ROM1: variants seen among roughly 807,000 people sequenced by gnomAD.
ROM1 encodes the protein retinal outer segment membrane protein 1.
Under a neutral mutation model 23.0 loss-of-function variants are expected in ROM1, and 17 were observed. The ratio of observed to expected loss-of-function variants is 0.74; its 90% CI spans 0.51 to 1.11. The LOEUF (loss-of-function observed/expected upper bound fraction) is 1.11, where lower values mean the gene tolerates loss of function less well. Ranked by LOEUF, ROM1 falls within the 50% of genes least tolerant of loss-of-function variation. The pLI is 0.00. For missense variants in ROM1, 436 were observed against 439.7 expected (o/e 0.99, Z 0.08); for synonymous variants, 200 against 206.5 (o/e 0.97, Z 0.27).
rs769973579 is a variant in ROM1 at position 62,613,626 on chromosome 11, G to A, written c.345G>A (p.Leu115=). ...GCACGGCTGGTGGGGGGGGGCTCCT[G>A]GTCGTCGGCCTCGGGCTAGCCCTGG... ...VAGTAGGGGL[L]VVGLGLALAL... is the part of the protein sequence containing the mutation. The change falls in exon 1 of 3, where the codon CTG becomes CTA. Residue 115 remains leucine, a synonymous_variant. Coordinates refer to ENST00000278833, the MANE Select transcript of ROM1 (RefSeq NM_000327.4). 6.2e-7 allele frequency: 1 copy of A among 1,613,154 alleles called. No homozygotes were observed. The highest frequency in any genetic ancestry group is 8.5e-7 in the Non-Finnish European group (1 of 1,179,626).
chr11:62,613,623 C>G lies in ROM1; in HGVS notation c.342C>G (p.Leu114=). The G allele has an allele frequency of 6.2e-7, 1 of 1,612,962 alleles. No homozygotes were observed. Among genetic ancestry groups the G allele is most frequent in the South Asian group, 1.1e-5 (1 of 91,034 alleles). ...LVAGTAGGGG[L]LVVGLGLALA... ...CTGGCACGGCTGGTGGGGGGGGGCTCCTGGTCGTCGGCCTCGGGCTAGCCC... is the reference window on the plus strand; with the variant it reads ...CTGGCACGGCTGGTGGGGGGGGGCTGCTGGTCGTCGGCCTCGGGCTAGCCC... The change falls in exon 1 of 3, where the codon CTC becomes CTG. Residue 114 remains leucine, a synonymous_variant. Coordinates refer to ENST00000278833, the MANE Select transcript of ROM1 (RefSeq NM_000327.4).
In ROM1 at chr11:62,614,913, C is replaced by T. The variant is rs1942992901; in HGVS notation, c.*74C>T. ...AACCTCACAACTCCTTACCAAGGCT[C>T]CAGGTTGGGGGGATCGTAGGATTAG... On this transcript the variant is annotated 3_prime_UTR_variant, in exon 3 of 3. Transcript: ENST00000278833. 7.7e-7 allele frequency: 1 copy of T among 1,291,738 alleles called. No homozygotes were observed. Among genetic ancestry groups the T allele is most frequent in the Admixed American group, 1.8e-5 (1 of 54,970 alleles). The allele number at this position is 1,291,738 out of a possible 1,614,324, so 80.0% of individuals were successfully genotyped here.
In ROM1 at chr11:62,613,601, G is replaced by C. The variant is rs1328860135; in HGVS notation, c.320G>C (p.Gly107Ala). 1 of 1,612,370 alleles carries C rather than the reference G, an allele frequency of 6.2e-7. No individual in the cohort carries two copies. The highest frequency in any genetic ancestry group is 2.2e-5 in the East Asian group (1 of 44,876). The change falls in exon 1 of 3, where the codon GGC becomes GCC. Residue 107 changes from glycine (G) to alanine (A), a missense_variant. Coordinates refer to ENST00000278833, the MANE Select transcript of ROM1 (RefSeq NM_000327.4). ...GTCCTGGGCCCGCTGCTGGTGGCTG[G>C]CACGGCTGGTGGGGGGGGGCTCCTG... ...RGVLGPLLVA[G>A]TAGGGGLLVV...
At position 62,613,367 on chromosome 11, in the gene ROM1, C is replaced by A; in HGVS notation, c.86C>A (p.Ala29Glu). ...CTCTGGCTCCTCTCCTGGCTGCTGG[C>A]GCTGGCTGGTGGCGTCATCCTCCTC... ...QGLWLLSWLL[A>E]LAGGVILLCS... The change falls in exon 1 of 3, where the codon GCG (alanine) becomes GAG (glutamate). Residue 29 changes from alanine (A) to glutamate (E), a missense_variant. By Grantham distance (107) the Ala-to-Glu change is moderately radical. Coordinates refer to ENST00000278833, the MANE Select transcript of ROM1 (RefSeq NM_000327.4). 3.1e-6 allele frequency: 5 copies of A among 1,613,546 alleles called. No individual in the cohort carries two copies. The highest frequency in any genetic ancestry group is 4.2e-6 in the Non-Finnish European group (5 of 1,179,792).
chr11:62,614,931 A>G lies in ROM1; in HGVS notation c.*92A>G, dbSNP rs1005326614. 9.3e-7 allele frequency: 1 copy of G among 1,076,332 alleles called. No individual in the cohort carries two copies. 66.7% of individuals were successfully genotyped at this position (1,076,332 alleles called of 1,614,324 possible). ...CAAGGCTCCAGGTTGGGGGGATCGT[A>G]GGATTAGAGGGGCTAAGGATAGTCA... On this transcript the variant is annotated 3_prime_UTR_variant, in exon 3 of 3. Coordinates refer to ENST00000278833, the MANE Select transcript of ROM1 (RefSeq NM_000327.4).
intron 1 of ROM1, 21 bp from the exon 2 acceptor site, chr11:62,614,237 C>T: frequency 6.2e-7 from 1 of 1,614,022 alleles, no homozygotes; most frequent in Non-Finnish European, 8.5e-7. Flanking sequence ...CATCCTAACC[C>T]CTCTGTCCCT....
At chr11:62,614,567 G>C in intron 2 of ROM1, 54 bp from the exon 3 acceptor site, 2 of 1,614,086 alleles carry the variant, frequency 1.2e-6, no homozygotes, top group South Asian at 2.2e-5. Flanking sequence ...TCCAACCCTG[G>C]GCCTCTTGGA....
In ROM1 at chr11:62,614,642, C is replaced by T. The variant is rs768652143; in HGVS notation, c.859C>T (p.Arg287Trp). 39 of 1,614,036 alleles carry T rather than the reference C, an allele frequency of 2.4e-5. No individual in the cohort carries two copies. Among genetic ancestry groups the T allele is most frequent in the Middle Eastern group, 1.6e-4 (1 of 6,084 alleles). Residue 287 changes from arginine (R) to tryptophan (W), a missense_variant, in exon 3 of 3, where the codon CGG becomes TGG. Coordinates refer to ENST00000278833, the MANE Select transcript of ROM1 (RefSeq NM_000327.4). ...ACAGGCTCTGGTGCTCCTTGGCCTG[C>T]GGTACCTGCAAACAGCACTGGAGGG... ...LLQALVLLGL[R>W]YLQTALEGLG...
In ROM1 at chr11:62,613,537, G is replaced by T. The variant is rs139112694; in HGVS notation, c.256G>T (p.Ala86Ser). The T allele has an allele frequency of 6.2e-7, 1 of 1,613,750 alleles. No individual in the cohort carries two copies. Among genetic ancestry groups the T allele is most frequent in the African/African-American group, 1.3e-5 (1 of 74,930 alleles). The change falls in exon 1 of 3, where the codon GCA becomes TCA. Residue 86 changes from alanine (A) to serine (S), a missense_variant. Coordinates refer to ENST00000278833, the MANE Select transcript of ROM1 (RefSeq NM_000327.4). ...TGLVGVGASR[A>S]SLNAALYPPW... ...ACTAGTGGGTGTAGGAGCCAGCCGGGCAAGTCTGAATGCAGCTCTATACCC... is the reference window on the plus strand; with the variant it reads ...ACTAGTGGGTGTAGGAGCCAGCCGGTCAAGTCTGAATGCAGCTCTATACCC...
rs769306477 is a variant in ROM1, at chr11:62,613,788, C to T, written c.507C>T (p.Cys169=). 17 of 1,614,048 alleles carry T rather than the reference C, an allele frequency of 1.1e-5. No homozygotes were observed. Among genetic ancestry groups the T allele is most frequent in the South Asian group, 2.2e-5 (2 of 91,092 alleles). The part of the protein sequence containing the change: ...VDELQLRYHC[C]GRHGYKDWFG... ...AGCTGCAACTGAGGTACCACTGCTGCGGGCGCCACGGGTACAAGGATTGGT... is the reference window on the plus strand; with the variant it reads ...AGCTGCAACTGAGGTACCACTGCTGTGGGCGCCACGGGTACAAGGATTGGT... The change falls in exon 1 of 3, where the codon TGC becomes TGT. Residue 169 remains cysteine (C), a synonymous_variant. Coordinates refer to ENST00000278833, the MANE Select transcript of ROM1 (RefSeq NM_000327.4).
At position 62,613,873 on chromosome 11, in the gene ROM1, T is replaced by C. The variant is rs1254796695; in HGVS notation, c.590+2T>C. ...TCCCGGTGACCGGGATGTGGCTGAG[T>C]GAGTGATTTGCGTCTCCCTTCCTCC... is the stretch of plus-strand genomic sequence containing the variant. On this transcript the variant is annotated splice_donor_variant, in intron 1 of 2. Transcript: ENST00000278833. LOFTEE classifies it high-confidence loss of function. 1.2e-6 allele frequency: 2 copies of C among 1,613,544 alleles called. No homozygotes were observed. Among genetic ancestry groups the C allele is most frequent in the Admixed American group, 1.7e-5 (1 of 60,002 alleles).
At position 62,614,353 on chromosome 11, in the gene ROM1, G is replaced by A. The variant is rs150168119; in HGVS notation, c.686G>A (p.Arg229His). Residue 229 changes from arginine (R) to histidine (H), a missense_variant, in exon 2 of 3, where the codon CGT becomes CAT. Coordinates refer to ENST00000278833, the MANE Select transcript of ROM1 (RefSeq NM_000327.4). ...PHSPRPCLQN[R>H]LSDSYAHPLF... ...TCACCCCGGCCTTGCCTGCAAAACC[G>A]TCTTTCAGACTCCTACGCCCACCCC... 4,495 of 1,614,002 alleles carry A rather than the reference G, an allele frequency of 2.8e-3. 29 individuals are homozygous for A. The highest frequency in any genetic ancestry group is 3.0e-3 in the Non-Finnish European group (3,506 of 1,179,974).
rs778986545 is a variant in ROM1, at chr11:62,613,734, G to A, written c.453G>A (p.Gly151=). The part of the protein sequence containing the change: ...LAHYKDTEVP[G]HCQAKRLVDE... Reference sequence around the variant, plus strand: ...ACTACAAGGACACAGAGGTGCCTGGGCACTGTCAGGCCAAAAGGCTGGTGG... The same window carrying A: ...ACTACAAGGACACAGAGGTGCCTGGACACTGTCAGGCCAAAAGGCTGGTGG... Residue 151 remains glycine, a synonymous_variant, in exon 1 of 3, where the codon GGG becomes GGA. Coordinates refer to ENST00000278833, the MANE Select transcript of ROM1 (RefSeq NM_000327.4). 3.7e-6 allele frequency: 6 copies of A among 1,614,218 alleles called. No individual in the cohort carries two copies.
Position 62,613,442 on chromosome 11 carries a change from C to T in ROM1, c.161C>T (p.Ala54Val), listed in dbSNP as rs1942939046. 6 of 1,613,022 alleles carry T rather than the reference C, an allele frequency of 3.7e-6. No homozygotes were observed. The highest frequency in any genetic ancestry group is 5.1e-6 in the Non-Finnish European group (6 of 1,179,568). Residue 54 changes from alanine to valine, a missense_variant, in exon 1 of 3, where the codon GCT becomes GTT. Physicochemically the swap from Ala to Val is moderately conservative, Grantham distance 64. Coordinates refer to ENST00000278833, the MANE Select transcript of ROM1 (RefSeq NM_000327.4). ...CTAAGGCACCTTGGCACCTTCCTGG[C>T]TCCCTCCTGTCAGTTCCCTGTCCTG... ...VQLRHLGTFLAPSCQFPVLPQ... is the reference protein window; with the variant it reads ...VQLRHLGTFLVPSCQFPVLPQ...
chr11:62,615,089 A>G lies in ROM1; in HGVS notation c.*250A>G, dbSNP rs946131219. The G allele has an allele frequency of 3.9e-5, 21 of 540,328 alleles. No homozygotes were observed. Among genetic ancestry groups the G allele is most frequent in the South Asian group, 1.3e-4 (6 of 45,270 alleles). 33.5% of individuals were successfully genotyped at this position (540,328 alleles called of 1,614,324 possible). On this transcript the variant is annotated 3_prime_UTR_variant, in exon 3 of 3. Transcript: ENST00000278833. ...AGAAGGCCTGGAGGCTGATTCTGATATAGACTCAATAAAGTTTTTGGATGG... is the reference window on the plus strand; with the variant it reads ...AGAAGGCCTGGAGGCTGATTCTGATGTAGACTCAATAAAGTTTTTGGATGG...
rs773078533 is a variant in ROM1, at chr11:62,613,879, A to G, written c.590+8A>G. On this transcript the variant is annotated splice_region_variant and intron_variant, in intron 1 of 2. Coordinates refer to ENST00000278833, the MANE Select transcript of ROM1 (RefSeq NM_000327.4). ...TGACCGGGATGTGGCTGAGTGAGTG[A>G]TTTGCGTCTCCCTTCCTCCTCCTCC... The G allele has an allele frequency of 1.9e-6, 3 of 1,613,130 alleles. No individual in the cohort carries two copies. Among genetic ancestry groups the G allele is most frequent in the African/African-American group, 1.3e-5 (1 of 74,802 alleles).
In ROM1 at chr11:62,615,101, A is replaced by C; in HGVS notation, c.*262A>C. 2 of 506,818 alleles carry C rather than the reference A, an allele frequency of 3.9e-6. No individual in the cohort carries two copies. The highest frequency in any genetic ancestry group is 7.1e-6 in the Non-Finnish European group (2 of 281,506). 31.4% of individuals were successfully genotyped at this position (506,818 alleles called of 1,614,324 possible). On this transcript the variant is annotated 3_prime_UTR_variant, in exon 3 of 3. Coordinates refer to ENST00000278833, the MANE Select transcript of ROM1 (RefSeq NM_000327.4). ...GGCTGATTCTGATATAGACTCAATA[A>C]AGTTTTTGGATGGAAGCAATTGCTT... is the stretch of plus-strand genomic sequence containing the variant.
chr11:62,614,154 A>C, intron 1 of ROM1, 104 bp from the exon 2 acceptor site: 1 of 1,408,146 alleles, frequency 7.1e-7, no homozygotes. Flanking sequence ...GCAGTCAGTA[A>C]ATGTTTTACT....
chr11:62,614,104 T>A (rs1287315460), intron 1 of ROM1, among the ~76,000 whole-genome samples, 154 bp from the exon 2 acceptor site: 1 of 152,136 alleles, frequency 6.6e-6, no homozygotes, highest in Non-Finnish European at 1.5e-5. Context: ...GATAGAGTTG[T>A]TGTGAAGATG....
Sources: gnomAD v4.1 joint callset for allele counts (sites outside exome capture counted in the v4.1 genomes callset) on GRCh38, gnomAD v4.1.1 for gene constraint, MANE v1.5 for transcripts, NCBI Gene and HGNC (gene_info 2026-07-23, HGNC 2026-07-21) for gene names.